MGAT5: variants seen among roughly 807,000 people sequenced by gnomAD.
MGAT5 encodes the protein alpha-1,6-mannosylglycoprotein 6-beta-N-acetylglucosaminyltransferase.
In MGAT5, 30 loss-of-function variants were observed where a neutral mutation model predicts 94.3. That is an observed-to-expected ratio of 0.32 (90% CI 0.24 to 0.43). MGAT5 has a LOEUF of 0.43. MGAT5 is among the 20% of genes least tolerant of loss of function. The pLI, the probability that MGAT5 is intolerant of heterozygous loss-of-function variation, is 1.00. For missense variants in MGAT5, 691 were observed against 905.5 expected, an observed-to-expected ratio of 0.76 and a Z score of 3.04; for synonymous variants, 310 against 322.9, an observed-to-expected ratio of 0.96 and a Z score of 0.43.
intron 10 of MGAT5, among the ~76,000 whole-genome samples, chr2:134,372,867 G>C (rs1260774451): frequency 6.6e-6 from 1 of 152,216 alleles, no homozygotes; most frequent in African/African-American, 2.4e-5. Flanking sequence ...CATGAAAAGA[G>C]GCCCTTGGTG....
chr2:134,225,115 C>CG lies in MGAT5; in HGVS notation c.-142-29140dup, dbSNP rs756282405. 1.0e-4 allele frequency among the ~76,000 whole-genome samples: 15 copies of CG among 144,064 alleles called. No homozygotes were observed. In the South Asian group the frequency reaches 1.8e-3, roughly 17 times the overall value. The allele number at this position is 144,064 out of a possible 152,430, so 94.5% of individuals were successfully genotyped here. A position where few individuals can be genotyped will look rare whatever the true frequency, so the allele number is the denominator to read the frequency against. On this transcript the variant is annotated intron_variant, in intron 1 of 16. Transcript: ENST00000409645. Reference sequence around the variant, plus strand: ...AAAAAAAAAAAAATGCGGTGGAAATCGGGGGGGAATTTCCAATCTCAAGGC... The same window carrying CG: ...AAAAAAAAAAAAATGCGGTGGAAATCGGGGGGGGAATTTCCAATCTCAAGGC...
intron 2 of MGAT5, among the ~76,000 whole-genome samples, chr2:134,290,738 G>A (rs1685297956): frequency 6.6e-6 from 1 of 152,194 alleles, no homozygotes; most frequent in South Asian, 2.1e-4. Context: ...TGTCTGCTAT[G>A]AGTAGAGAAA....
intron 1 of MGAT5, among the ~76,000 whole-genome samples, chr2:134,172,629 T>A (rs1284106807): frequency 3.3e-5 from 5 of 152,106 alleles, no homozygotes; most frequent in Middle Eastern, 3.2e-3. Context: ...CTCGTGATTC[T>A]CCCGCCTCGA....
chr2:134,311,200 A>G (rs1686634144), intron 2 of MGAT5, among the ~76,000 whole-genome samples: 1 of 152,182 alleles, frequency 6.6e-6, no homozygotes, highest in Non-Finnish European at 1.5e-5. Flanking sequence ...GGGTCAACAG[A>G]TACTCATGTT....
Position 134,127,496 on chromosome 2 carries a change from C to T in MGAT5, c.-143+7205C>T, listed in dbSNP as rs531982465. ...GTGAGCTCCTTCAAGGAAAAGGTTT[C>T]CCCCCCCCCCAGGCTTGTTCCAACC... On this transcript the variant is annotated intron_variant, in intron 1 of 16. Transcript: ENST00000409645. Among the ~76,000 whole-genome samples, 100 of 114,912 alleles carry T rather than the reference C, an allele frequency of 8.7e-4. 1 individual carries two copies. In the East Asian group the frequency reaches 0.025, roughly 29 times the overall value. The allele number at this position is 114,912 out of a possible 152,430, so 75.4% of individuals were successfully genotyped here.
At chr2:134,204,768 C>T (rs540909689) in intron 1 of MGAT5, among the ~76,000 whole-genome samples, 1 of 152,260 alleles carries the variant, frequency 6.6e-6, no homozygotes, top group South Asian at 2.1e-4. Context: ...AGGTATCTCT[C>T]TGGGGATACT....
intron 10 of MGAT5, among the ~76,000 whole-genome samples, chr2:134,376,549 G>T (rs1681184819): frequency 6.6e-6 from 1 of 152,138 alleles, no homozygotes. Context: ...CACTTTCATG[G>T]ACCGATCCCT....
At chr2:134,419,392 T>C (rs947708223) in intron 12 of MGAT5, among the ~76,000 whole-genome samples, 1 of 151,836 alleles carries the variant, frequency 6.6e-6, no homozygotes. Context: ...AGGTTCTCGA[T>C]CATTTTTCTG....
At chr2:134,335,311 T>G (rs953748442) in intron 4 of MGAT5, among the ~76,000 whole-genome samples, 5 of 152,156 alleles carry the variant, frequency 3.3e-5, no homozygotes, top group Admixed American at 6.6e-5. Flanking sequence ...TTATTTTCAA[T>G]GCCTGTTAGC....
At chr2:134,360,356 T>G (rs963308762) in intron 9 of MGAT5, among the ~76,000 whole-genome samples, 4 of 152,156 alleles carry the variant, frequency 2.6e-5, no homozygotes, top group Non-Finnish European at 5.9e-5. Flanking sequence ...ATATATGTAT[T>G]TTTTCATTTG....
At chr2:134,334,991 G>GC (rs1197086533) in intron 4 of MGAT5, among the ~76,000 whole-genome samples, 1 of 152,060 alleles carries the variant, frequency 6.6e-6, no homozygotes, top group Non-Finnish European at 1.5e-5. Context: ...CAGAGATTCC[G>GC]CCCTCTCCCC....
chr2:134,128,381 C>A (rs998472368), intron 1 of MGAT5, among the ~76,000 whole-genome samples: 2 of 152,134 alleles, frequency 1.3e-5, no homozygotes, highest in African/African-American at 4.8e-5. Context: ...GTTACTATGG[C>A]CTTTCCCCTA....
chr2:134,222,956 C>T (rs771244946), intron 1 of MGAT5, among the ~76,000 whole-genome samples: 14 of 152,078 alleles, frequency 9.2e-5, no homozygotes, highest in Non-Finnish European at 1.6e-4. Flanking sequence ...CTATACAAAA[C>T]ATAAGCATTG....
At chr2:134,162,601 C>A (rs947167728) in intron 1 of MGAT5, among the ~76,000 whole-genome samples, 1 of 152,188 alleles carries the variant, frequency 6.6e-6, no homozygotes, top group Non-Finnish European at 1.5e-5. Flanking sequence ...TCACTAAGGT[C>A]CCACAGTTAG....
intron 1 of MGAT5, among the ~76,000 whole-genome samples, chr2:134,158,278 T>C (rs2105049367): frequency 6.6e-6 from 1 of 152,290 alleles, no homozygotes; most frequent in East Asian, 1.9e-4. Flanking sequence ...CCATGGCACC[T>C]AAATTGTGCC....
chr2:134,328,228 CT>C lies in MGAT5; in HGVS notation c.574-7988del, dbSNP rs1377121836. Among the ~76,000 whole-genome samples, 5 of 152,192 alleles carry C rather than the reference CT, an allele frequency of 3.3e-5. No homozygotes were observed. In the East Asian group the frequency reaches 7.7e-4, roughly 24 times the overall value. ...CATCCCTTTAAATTCTGCACCCCCCCTCACCCCTGATATGCTGAGCAGAACT... is the reference window on the plus strand; with the variant it reads ...CATCCCTTTAAATTCTGCACCCCCCCCACCCCTGATATGCTGAGCAGAACT... On this transcript the variant is annotated intron_variant, in intron 4 of 15. Transcript: ENST00000281923.
chr2:134,183,347 T>C (rs2105184964), intron 1 of MGAT5, among the ~76,000 whole-genome samples: 1 of 152,296 alleles, frequency 6.6e-6, no homozygotes, highest in East Asian at 1.9e-4. Context: ...AGGAAGATAA[T>C]ATAGAAATTA....
intron 1 of MGAT5, among the ~76,000 whole-genome samples, chr2:134,189,870 G>C (rs888866437): frequency 1.8e-4 from 27 of 151,962 alleles, no homozygotes; most frequent in South Asian, 2.1e-4. Context: ...AAAGTGCTGG[G>C]ATTACAAGCA....
chr2:134,223,394 G>A (rs890614683), intron 1 of MGAT5, among the ~76,000 whole-genome samples: 1 of 152,146 alleles, frequency 6.6e-6, no homozygotes, highest in Non-Finnish European at 1.5e-5. Flanking sequence ...TGCCAAATGA[G>A]GGAGATCCTT....
Sources: gnomAD v4.1 joint callset for allele counts (sites outside exome capture counted in the v4.1 genomes callset) on GRCh38, gnomAD v4.1.1 for gene constraint, MANE v1.5 for transcripts, NCBI Gene and HGNC (gene_info 2026-07-23, HGNC 2026-07-21) for gene names.